RAB11FIP2: variants seen among roughly 807,000 people sequenced by gnomAD.
RAB11FIP2 encodes the protein rab11 family-interacting protein 2.
In RAB11FIP2, 16 loss-of-function variants were observed where a neutral mutation model predicts 40.9. That is an observed-to-expected ratio of 0.39 (90% CI 0.26 to 0.59). The LOEUF is 0.59. RAB11FIP2 is among the 20% of genes least tolerant of loss of function. RAB11FIP2 has a pLI of 0.53. For synonymous variants in RAB11FIP2, 228 were observed against 213.7 expected (o/e 1.07, Z -0.58); for missense variants, 532 against 606.2 (o/e 0.88, Z 1.28).
chr10:118,021,178 G>A (rs900876865), intron 3 of RAB11FIP2, among the ~76,000 whole-genome samples: 2 of 152,116 alleles, frequency 1.3e-5, no homozygotes, highest in African/African-American at 4.8e-5. Flanking sequence ...TTCCATTTAG[G>A]ATTGCATTTT....
intron 3 of RAB11FIP2, among the ~76,000 whole-genome samples, chr10:118,021,152 TGTG>T (rs1315905634): frequency 6.6e-6 from 1 of 152,184 alleles, no homozygotes; most frequent in East Asian, 1.9e-4. Context: ...CTGGAGTACT[TGTG>T]TTCAAAATTA....
chr10:118,025,030 A>G (rs906544088), intron 3 of RAB11FIP2, among the ~76,000 whole-genome samples: 1 of 151,634 alleles, frequency 6.6e-6, no homozygotes, highest in Non-Finnish European at 1.5e-5. Flanking sequence ...GCTTCTTAGA[A>G]GCAACTGCTG....
intron 4 of RAB11FIP2, among the ~76,000 whole-genome samples, chr10:118,014,701 CCAA>C (rs918193376): frequency 6.6e-6 from 1 of 151,976 alleles, no homozygotes; most frequent in Non-Finnish European, 1.5e-5. Context: ...AATCCTTGTC[CCAA>C]CAACAACAAA....
Position 118,023,029 on chromosome 10 carries a change from A to C in RAB11FIP2, c.1266-7919T>G, listed in dbSNP as rs74828132. On this transcript the variant is annotated intron_variant, in intron 3 of 4. Coordinates refer to ENST00000355624, the MANE Select transcript of RAB11FIP2 (RefSeq NM_014904.3). The stretch of plus-strand genomic sequence containing the variant: ...AGTTCTTTTTAAGATACGAAGAATT[A>C]TTCTCATATTTAAGTCAATAGGAAT... Among the ~76,000 whole-genome samples, 9 of 152,340 alleles carry C rather than the reference A, an allele frequency of 5.9e-5. No homozygotes were observed. In the East Asian group the frequency reaches 1.7e-3, roughly 29 times the overall value.
intron 3 of RAB11FIP2, among the ~76,000 whole-genome samples, chr10:118,018,564 T>C (rs953181042): frequency 6.6e-6 from 1 of 152,226 alleles, no homozygotes; most frequent in Non-Finnish European, 1.5e-5. Flanking sequence ...CATTCTGAAG[T>C]TTTTATGCAA....
intron 3 of RAB11FIP2, among the ~76,000 whole-genome samples, chr10:118,025,806 C>T (rs897685295): frequency 6.6e-6 from 1 of 152,196 alleles, no homozygotes; most frequent in African/African-American, 2.4e-5. Flanking sequence ...TCTCTGTCTT[C>T]ACAGATCCAT....
chr10:118,010,841 T>C (rs764183472), intron 4 of RAB11FIP2, among the ~76,000 whole-genome samples: 53 of 152,004 alleles, frequency 3.5e-4, no homozygotes, highest in Non-Finnish European at 6.5e-4. Flanking sequence ...CAAGGCATAG[T>C]GGCCAACAGG....
intron 1 of RAB11FIP2, chr10:118,045,159 A>G (rs1055449347): frequency 6.6e-6 from 1 of 152,286 alleles, no homozygotes; most frequent in Non-Finnish European, 1.5e-5. Flanking sequence ...ATAGCTTTGG[A>G]AAATCAATTC....
rs372601061 is a variant in RAB11FIP2, at chr10:118,040,908, C to T, written c.354-343G>A. ...TCCATATGGGATTAAGTGTTGCTCA[C>T]GGCCTAAGGACATTTTTTTTTAACA... On this transcript the variant is annotated intron_variant, in intron 1 of 4. Coordinates refer to ENST00000355624, the MANE Select transcript of RAB11FIP2 (RefSeq NM_014904.3). 4.6e-5 allele frequency among the ~76,000 whole-genome samples: 7 copies of T among 151,858 alleles called. No individual in the cohort carries two copies. In the East Asian group the frequency reaches 1.3e-3, roughly 29 times the overall value.
chr10:118,010,950 A>G (rs1293929106), intron 4 of RAB11FIP2, among the ~76,000 whole-genome samples: 1 of 151,912 alleles, frequency 6.6e-6, no homozygotes, highest in African/African-American at 2.4e-5. Flanking sequence ...ATAGACCACC[A>G]AGAATGCTGA....
In RAB11FIP2 at chr10:118,046,345, C is replaced by G; in HGVS notation, c.-182G>C. 3.3e-6 allele frequency: 2 copies of G among 599,004 alleles called. No homozygotes were observed. The highest frequency in any genetic ancestry group is 4.2e-5 in the South Asian group (2 of 47,138). The allele number at this position is 599,004 out of a possible 1,614,324, so 37.1% of individuals were successfully genotyped here. ...CGCGGGGGCAGCCCAGGGGCACGGCCGCTCCGGGGGTCCCCTTTCGTCTGG... is the reference window on the plus strand; with the variant it reads ...CGCGGGGGCAGCCCAGGGGCACGGCGGCTCCGGGGGTCCCCTTTCGTCTGG... On this transcript the variant is annotated 5_prime_UTR_variant, in exon 1 of 5. Coordinates refer to ENST00000355624, the MANE Select transcript of RAB11FIP2 (RefSeq NM_014904.3).
At chr10:118,026,441 A>C (rs1279748945) in intron 3 of RAB11FIP2, among the ~76,000 whole-genome samples, 1 of 152,202 alleles carries the variant, frequency 6.6e-6, no homozygotes, top group Non-Finnish European at 1.5e-5. Flanking sequence ...ATGAAAAACA[A>C]AGAGGGCACC....
intron 4 of RAB11FIP2, among the ~76,000 whole-genome samples, chr10:118,014,810 G>C (rs1373113229): frequency 6.6e-6 from 1 of 152,094 alleles, no homozygotes; most frequent in Non-Finnish European, 1.5e-5. Context: ...AACAAAATAT[G>C]TATATTCTAA....
rs1027655076 is a variant in RAB11FIP2 at position 118,038,787 on chromosome 10, T to C, written c.1265+185A>G. 3.7e-4 allele frequency: 195 copies of C among 524,168 alleles called. 1 individual carries two copies. The highest frequency in any genetic ancestry group is 2.5e-4 in the Non-Finnish European group (78 of 306,928). 32.5% of individuals were successfully genotyped at this position (524,168 alleles called of 1,614,324 possible). On this transcript the variant is annotated intron_variant, in intron 3 of 4. Coordinates refer to ENST00000355624, the MANE Select transcript of RAB11FIP2 (RefSeq NM_014904.3). ...ATAAGAGTCTTTTATCTTCTTAAGA[T>C]AAAAAAGTTCAGTTCCAAAAATATA...
chr10:118,039,345 C>T lies in RAB11FIP2; in HGVS notation c.892G>A (p.Gly298Arg), dbSNP rs148913167. ...TTTGTAAATGGGTCATTTTGTCTTC[C>T]GAAACACAATTCACCTTCATCCACA... Reference protein sequence around the residue: ...SIVDEGELCFGRQNDPFTNVT... With the variant: ...SIVDEGELCFRRQNDPFTNVT... The change falls in exon 3 of 5, where the codon GGA (glycine) becomes AGA (arginine). Residue 298 changes from glycine to arginine, a missense_variant. Gly to Arg is a moderately radical substitution (Grantham distance 125). Coordinates refer to ENST00000355624, the MANE Select transcript of RAB11FIP2 (RefSeq NM_014904.3). 52 of 1,613,362 alleles carry T rather than the reference C, an allele frequency of 3.2e-5. No homozygotes were observed. The highest frequency in any genetic ancestry group is 8.0e-5 in the African/African-American group (6 of 74,832).
rs762223035 is a variant in RAB11FIP2 at position 118,007,933 on chromosome 10, A to G, written c.*1065T>C. On this transcript the variant is annotated 3_prime_UTR_variant, in exon 5 of 5. Coordinates refer to ENST00000355624, the MANE Select transcript of RAB11FIP2 (RefSeq NM_014904.3). ...CCCAAAGGCAACCATCTGCTCTATT[A>G]TTTATGTAACCTGAAACCAAGCCTA... The G allele has an allele frequency of 1.2e-4, 18 of 152,506 alleles. No individual in the cohort carries two copies. Among genetic ancestry groups the G allele is most frequent in the Non-Finnish European group, 2.6e-4 (18 of 67,972 alleles). 9.4% of individuals were successfully genotyped at this position (152,506 alleles called of 1,614,324 possible).
intron 3 of RAB11FIP2, among the ~76,000 whole-genome samples, chr10:118,029,547 AT>A (rs1846388201): frequency 6.6e-6 from 1 of 152,152 alleles, no homozygotes; most frequent in Non-Finnish European, 1.5e-5. Flanking sequence ...ACCTTTTTCT[AT>A]GAGCACAAAG....
At chr10:118,029,769 T>C (rs1170985652) in intron 3 of RAB11FIP2, among the ~76,000 whole-genome samples, 1 of 152,062 alleles carries the variant, frequency 6.6e-6, no homozygotes, top group Non-Finnish European at 1.5e-5. Context: ...GAGTATAACA[T>C]GTTCTTAATA....
rs1219306882 is a variant in RAB11FIP2 at position 118,008,557 on chromosome 10, G to A, written c.*441C>T. On this transcript the variant is annotated 3_prime_UTR_variant, in exon 5 of 5. Coordinates refer to ENST00000355624, the MANE Select transcript of RAB11FIP2 (RefSeq NM_014904.3). ...CATATGTGTATATAAAATATAAACT[G>A]TTTTTTTAGTAGTGTTTATAACGAG... The A allele has an allele frequency of 5.7e-6, 1 of 174,344 alleles. No individual in the cohort carries two copies. Among genetic ancestry groups the A allele is most frequent in the Non-Finnish European group, 1.3e-5 (1 of 79,686 alleles). The allele number at this position is 174,344 out of a possible 1,614,324, so 10.8% of individuals were successfully genotyped here.
Sources: allele counts gnomAD v4.1 joint callset (sites outside exome capture counted in the v4.1 genomes callset), GRCh38; gene constraint gnomAD v4.1.1; transcripts MANE v1.5; gene names NCBI Gene and HGNC (gene_info 2026-07-23, HGNC 2026-07-21).